The following SLC35B4 variants were observed in gnomAD, a reference collection of about 807,000 sequenced individuals.
The protein encoded by SLC35B4 is nucleotide sugar transporter SLC35B4.
In SLC35B4, 28 loss-of-function variants were observed where a neutral mutation model predicts 39.5. That is an observed-to-expected ratio of 0.71 (90% CI 0.53 to 0.97). The LOEUF is 0.97. Among genes scored for constraint, SLC35B4 ranks in the 50% least tolerant of loss-of-function variants. The probability of loss-of-function intolerance (pLI) is 0.00; values close to 1 mark genes in which losing one functional copy is unlikely to be tolerated. For synonymous variants in SLC35B4, 145 were observed against 150.4 expected (o/e 0.96, Z 0.26); for missense variants, 334 against 414.3 (o/e 0.81, Z 1.68).
At chr7:134,306,818 TC>T in intron 2 of SLC35B4, 44 bp from the exon 3 acceptor site, 1 of 1,478,210 alleles carries the variant, frequency 6.8e-7, no homozygotes, top group Non-Finnish European at 9.3e-7. Context: ...ATCTAGGATT[TC>T]AAGAAAATCA....
chr7:134,317,058 A>C (rs988313085), upstream of SLC35B4: 1 of 357,350 alleles, frequency 2.8e-6, no homozygotes, highest in Non-Finnish European at 5.1e-6. Context: ...TCCGCCAGGC[A>C]GCTCCGCCAG....
intron 3 of SLC35B4, among the ~76,000 whole-genome samples, chr7:134,305,096 C>T (rs370755609): frequency 3.4e-4 from 51 of 152,196 alleles, no homozygotes; most frequent in Middle Eastern, 6.8e-3. Context: ...CCGAGGTGGG[C>T]GGATCACCTG....
intron 4 of SLC35B4, among the ~76,000 whole-genome samples, chr7:134,303,606 T>C (rs370991992): frequency 6.6e-6 from 1 of 152,344 alleles, no homozygotes; most frequent in East Asian, 1.9e-4. Context: ...TTGTTCTTTT[T>C]ATGACACAGC....
chr7:134,311,651 G>A (rs942491496), intron 1 of SLC35B4, among the ~76,000 whole-genome samples: 3 of 152,110 alleles, frequency 2.0e-5, no homozygotes, highest in African/African-American at 7.2e-5. Flanking sequence ...CAAGACTCTT[G>A]TCTCAAAAAC....
At chr7:134,300,928 T>G (rs1803566245) in intron 6 of SLC35B4, among the ~76,000 whole-genome samples, 1 of 110,022 alleles carries the variant, frequency 9.1e-6, no homozygotes, top group Non-Finnish European at 1.9e-5. Flanking sequence ...TGCATGGGTT[T>G]CATTTGCATT....
At chr7:134,304,694 G>C in intron 4 of SLC35B4, 111 bp downstream of exon 4, 1 of 794,982 alleles carries the variant, frequency 1.3e-6, no homozygotes, top group South Asian at 1.7e-5. Flanking sequence ...GAGGTAGATG[G>C]CCAGAAGCAA....
At chr7:134,314,974 A>G (rs1238345376) in intron 1 of SLC35B4, among the ~76,000 whole-genome samples, 1 of 152,214 alleles carries the variant, frequency 6.6e-6, no homozygotes, top group Non-Finnish European at 1.5e-5. Context: ...ATCTTTATCA[A>G]CACTTTCTGT....
Position 134,300,178 on chromosome 7 carries a change from G to A in SLC35B4, c.571C>T (p.His191Tyr), listed in dbSNP as rs768751351. Residue 191 changes from histidine (H) to tyrosine (Y), a missense_variant, in exon 7 of 10, where the codon CAC becomes TAC. Transcript: ENST00000378509. ...QETLYKRFGKHSKEALFYNHA... is the reference protein window; with the variant it reads ...QETLYKRFGKYSKEALFYNHA... The stretch of plus-strand genomic sequence containing the variant: ...TTATAAAACAAAGCCTCCTTGGAGT[G>A]TTTCCCAAATCGTTTGTAGAGAGTC... 2.5e-6 allele frequency: 4 copies of A among 1,611,964 alleles called. No individual in the cohort carries two copies. Among genetic ancestry groups the A allele is most frequent in the African/African-American group, 2.7e-5 (2 of 74,852 alleles).
rs369021521 is a variant in SLC35B4 at position 134,301,855 on chromosome 7, G to A, written c.427-34C>T. The A allele has an allele frequency of 5.0e-6, 8 of 1,595,294 alleles. No individual in the cohort carries two copies. The African/African-American group carries it at 6.7e-5, about 13-fold the overall frequency. ...TAAGAAAATAAACTAGGTACAGAGA[G>A]CAGAACTACGTGCAAGGTGCCGACA... On this transcript the variant is annotated intron_variant, in intron 5 of 9. Transcript: ENST00000378509.
At position 134,293,706 on chromosome 7, in the gene SLC35B4, C is replaced by G. The variant is rs1456387538; in HGVS notation, c.*1127G>C. The G allele has an allele frequency of 1.3e-5, 2 of 152,084 alleles. No individual in the cohort carries two copies. The highest frequency in any genetic ancestry group is 2.4e-5 in the African/African-American group (1 of 41,378). 9.4% of individuals were successfully genotyped at this position (152,084 alleles called of 1,614,324 possible). Reference sequence around the variant, plus strand: ...TGGGCCAACAGGGACAGCCATGGCTCTTGCGGTGCTGAGCAGGGCCATCCT... The same window carrying G: ...TGGGCCAACAGGGACAGCCATGGCTGTTGCGGTGCTGAGCAGGGCCATCCT... On this transcript the variant is annotated 3_prime_UTR_variant, in exon 10 of 10. Coordinates refer to ENST00000378509, the MANE Select transcript of SLC35B4 (RefSeq NM_032826.5).
upstream of SLC35B4, among the ~76,000 whole-genome samples, chr7:134,318,914 T>C (rs1038289918): frequency 5.9e-5 from 9 of 152,336 alleles, no homozygotes; most frequent in Middle Eastern, 3.4e-3. Flanking sequence ...GGGGATCTTG[T>C]TAAAATGCAG....
At position 134,295,116 on chromosome 7, in the gene SLC35B4, G is replaced by C. The variant is rs751493677; in HGVS notation, c.750-37C>G. 6.2e-6 allele frequency: 10 copies of C among 1,601,968 alleles called. No individual in the cohort carries two copies. The East Asian group carries it at 2.2e-4, about 36-fold the overall frequency. ...GAGTCAAGGTAGTTTTCTGTAGACT[G>C]TACTTGGGGGATCAGTGAGAGAACC... On this transcript the variant is annotated intron_variant, in intron 9 of 9. Transcript: ENST00000378509.
intron 1 of SLC35B4, among the ~76,000 whole-genome samples, chr7:134,316,094 T>C (rs1272279117): frequency 6.6e-6 from 1 of 152,164 alleles, no homozygotes; most frequent in African/African-American, 2.4e-5. Flanking sequence ...TTTATGTATG[T>C]TTGGGCAAAG....
chr7:134,312,812 C>A (rs1289413988), intron 1 of SLC35B4, among the ~76,000 whole-genome samples: 1 of 152,144 alleles, frequency 6.6e-6, no homozygotes, highest in Non-Finnish European at 1.5e-5. Flanking sequence ...TCCCAGCGGT[C>A]AACGGCAAAT....
intron 7 of SLC35B4, 59 bp downstream of exon 7, chr7:134,300,093 T>C: frequency 8.3e-7 from 1 of 1,207,574 alleles, no homozygotes; most frequent in South Asian, 1.3e-5. Flanking sequence ...ATAGTTCACT[T>C]GAAGTAACAT....
intron 1 of SLC35B4, among the ~76,000 whole-genome samples, chr7:134,315,178 G>A (rs1646697): frequency 0.49 from 73,795 of 152,006 alleles, 18,256 homozygotes; most frequent in Admixed American, 0.55. Flanking sequence ...GGTTGAAAAA[G>A]GTATTGGACT....
intron 6 of SLC35B4, 125 bp downstream of exon 6, chr7:134,301,636 G>T (rs893459124): frequency 2.6e-5 from 21 of 822,404 alleles, no homozygotes; most frequent in Non-Finnish European, 3.8e-5. Context: ...ATGATCCCAG[G>T]TGCCTCTCTT....
Position 134,300,185 on chromosome 7 carries a change from A to G in SLC35B4, c.564T>C (p.Phe188=), listed in dbSNP as rs746717667. 122 of 1,612,570 alleles carry G rather than the reference A, an allele frequency of 7.6e-5. No homozygotes were observed. Among genetic ancestry groups the G allele is most frequent in the Non-Finnish European group, 9.8e-5 (116 of 1,179,694 alleles). The change falls in exon 7 of 10, where the codon TTT becomes TTC. Residue 188 remains phenylalanine (F), a synonymous_variant. Coordinates refer to ENST00000378509, the MANE Select transcript of SLC35B4 (RefSeq NM_032826.5). ...GIFQETLYKR[F]GKHSKEALFY... is the part of the protein sequence containing the mutation. ...ACAAAGCCTCCTTGGAGTGTTTCCCAAATCGTTTGTAGAGAGTCTCTTGGA... is the reference window on the plus strand; with the variant it reads ...ACAAAGCCTCCTTGGAGTGTTTCCCGAATCGTTTGTAGAGAGTCTCTTGGA...
At position 134,294,720 on chromosome 7, in the gene SLC35B4, A is replaced by G. The variant is rs1356510008; in HGVS notation, c.*113T>C. The G allele has an allele frequency of 8.7e-6, 12 of 1,383,078 alleles. No individual in the cohort carries two copies. The highest frequency in any genetic ancestry group is 5.9e-6 in the Non-Finnish European group (6 of 1,020,892). The allele number at this position is 1,383,078 out of a possible 1,614,324, so 85.7% of individuals were successfully genotyped here. ...TCCCCTCCTGAAGATTTCCTTTTGC[A>G]CGGCTGGCTCAGCACTGCGGGTAGC... On this transcript the variant is annotated 3_prime_UTR_variant, in exon 10 of 10. Coordinates refer to ENST00000378509, the MANE Select transcript of SLC35B4 (RefSeq NM_032826.5).
Sources: allele counts gnomAD v4.1 joint callset (sites outside exome capture counted in the v4.1 genomes callset), GRCh38; gene constraint gnomAD v4.1.1; transcripts MANE v1.5; gene names NCBI Gene and HGNC (gene_info 2026-07-23, HGNC 2026-07-21).